Variants in PDZRN4 observed in about 807,000 individuals in gnomAD.
The protein encoded by PDZRN4 is PDZ domain containing ring finger 4.
Under a neutral mutation model 99.0 loss-of-function variants are expected in PDZRN4, and 70 were observed. That is an observed-to-expected ratio of 0.71 (90% CI 0.58 to 0.86). The LOEUF (loss-of-function observed/expected upper bound fraction) is 0.86, where lower values mean the gene tolerates loss of function less well. Ranked by LOEUF, PDZRN4 falls within the 40% of genes least tolerant of loss-of-function variation. The pLI is 0.00. For missense variants in PDZRN4, 1,474 were observed against 1,331.2 expected, an observed-to-expected ratio of 1.11 and a Z score of -1.67; for synonymous variants, 551 against 501.6, an observed-to-expected ratio of 1.10 and a Z score of -1.32.
At chr12:41,546,750 A>C (rs1290858554) in intron 5 of PDZRN4, among the ~76,000 whole-genome samples, 1 of 152,244 alleles carries the variant, frequency 6.6e-6, no homozygotes, top group Non-Finnish European at 1.5e-5. Flanking sequence ...GGGAAGGGTC[A>C]ACAGGTTCGA....
chr12:41,472,392 A>C (rs1953002285), intron 3 of PDZRN4, among the ~76,000 whole-genome samples: 1 of 152,240 alleles, frequency 6.6e-6, no homozygotes, highest in Non-Finnish European at 1.5e-5. Context: ...AAACAACTAG[A>C]TACCCTTTTA....
intron 3 of PDZRN4, among the ~76,000 whole-genome samples, chr12:41,327,034 A>G (rs1951713728): frequency 6.6e-6 from 1 of 152,096 alleles, no homozygotes; most frequent in South Asian, 2.1e-4. Context: ...GTCATTGACA[A>G]TCTCTATTTC....
At position 41,212,482 on chromosome 12, in the gene PDZRN4, T is replaced by C. The variant is rs775906956; in HGVS notation, c.843+18294T>C. On this transcript the variant is annotated intron_variant, in intron 3 of 9. Transcript: ENST00000402685. Reference sequence around the variant, plus strand: ...TTTCATGTGTTTTATATAAGAATACTTGTCTGGAATTAAATTGATAACTTC... The same window carrying C: ...TTTCATGTGTTTTATATAAGAATACCTGTCTGGAATTAAATTGATAACTTC... Among the ~76,000 whole-genome samples, 79 of 152,016 alleles carry C rather than the reference T, an allele frequency of 5.2e-4. 1 individual carries two copies. The highest frequency in any genetic ancestry group is 1.0e-3 in the Non-Finnish European group (69 of 67,956).
At chr12:41,276,426 T>C (rs1951350209) in intron 3 of PDZRN4, among the ~76,000 whole-genome samples, 1 of 152,134 alleles carries the variant, frequency 6.6e-6, no homozygotes. Context: ...TAGATTCAGA[T>C]AGACCTGGGG....
At chr12:41,273,642 T>G (rs1951330877) in intron 3 of PDZRN4, among the ~76,000 whole-genome samples, 1 of 152,054 alleles carries the variant, frequency 6.6e-6, no homozygotes, top group South Asian at 2.1e-4. Flanking sequence ...AGTGTTTCAT[T>G]AAAGAAAAAG....
At chr12:41,323,794 T>C (rs569806859) in intron 3 of PDZRN4, among the ~76,000 whole-genome samples, 1 of 152,124 alleles carries the variant, frequency 6.6e-6, no homozygotes, top group South Asian at 2.1e-4. Context: ...ATTAGTTTTA[T>C]TTTATTAATA....
intron 3 of PDZRN4, among the ~76,000 whole-genome samples, chr12:41,376,569 A>C (rs1952082491): frequency 6.6e-6 from 1 of 152,154 alleles, no homozygotes; most frequent in Admixed American, 6.5e-5. Flanking sequence ...TGTTTCTTTA[A>C]TTGGATTATT....
Position 41,203,060 on chromosome 12 carries a change from G to T in PDZRN4, c.843+8872G>T, listed in dbSNP as rs146045985. ...AGTTATAGAAAAGGTAGTTTTCACA[G>T]TGAAATTTGCTACAAACATGATTCA... On this transcript the variant is annotated intron_variant, in intron 3 of 9. Transcript: ENST00000402685. Among the ~76,000 whole-genome samples, 784 of 151,950 alleles carry T rather than the reference G, an allele frequency of 5.2e-3. 2 individuals are homozygous for T. Among genetic ancestry groups the T allele is most frequent in the Non-Finnish European group, 8.7e-3 (589 of 67,926 alleles).
chr12:41,339,804 A>T (rs958721320), intron 3 of PDZRN4, among the ~76,000 whole-genome samples: 4 of 152,106 alleles, frequency 2.6e-5, no homozygotes, highest in African/African-American at 9.7e-5. Flanking sequence ...TACAAATGGC[A>T]ATCATGTATA....
At chr12:41,332,014 G>A (rs1221872669) in intron 3 of PDZRN4, among the ~76,000 whole-genome samples, 1 of 152,142 alleles carries the variant, frequency 6.6e-6, no homozygotes, top group Non-Finnish European at 1.5e-5. Context: ...TAGGAAACGA[G>A]AGAGGATAAT....
chr12:41,472,241 G>A (rs1953000495), intron 3 of PDZRN4, among the ~76,000 whole-genome samples: 1 of 152,108 alleles, frequency 6.6e-6, no homozygotes, highest in African/African-American at 2.4e-5. Flanking sequence ...GACCTCAGGT[G>A]ATCCACCCAC....
At chr12:41,518,102 T>G (rs1938434420) in intron 5 of PDZRN4, among the ~76,000 whole-genome samples, 2 of 152,078 alleles carry the variant, frequency 1.3e-5, no homozygotes. Context: ...AATGAATGAG[T>G]GGAATCCTAA....
chr12:41,291,113 T>C (rs1164355872), intron 3 of PDZRN4, among the ~76,000 whole-genome samples: 1 of 152,166 alleles, frequency 6.6e-6, no homozygotes. Context: ...GTCTGAATTA[T>C]GTTATCCATT....
chr12:41,259,853 A>G (rs1951226189), intron 3 of PDZRN4, among the ~76,000 whole-genome samples: 1 of 152,108 alleles, frequency 6.6e-6, no homozygotes, highest in South Asian at 2.1e-4. Flanking sequence ...AGGATTATAA[A>G]TTCTATTTAT....
chr12:41,298,523 T>C (rs915652415), intron 3 of PDZRN4, among the ~76,000 whole-genome samples: 2 of 152,206 alleles, frequency 1.3e-5, no homozygotes, highest in Non-Finnish European at 2.9e-5. Context: ...ATTTGTTTTA[T>C]GAATTTTTAA....
At chr12:41,392,424 TATTTCATTTAAAA>T (rs1192886479) in intron 3 of PDZRN4, among the ~76,000 whole-genome samples, 1 of 152,202 alleles carries the variant, frequency 6.6e-6, no homozygotes, top group Non-Finnish European at 1.5e-5. Flanking sequence ...TCTGTTTCAA[TATTTCATTTAAAA>T]GTCTGGCTGT....
rs556524148 is a variant in PDZRN4 at position 41,255,953 on chromosome 12, A to T, written c.843+61765A>T. ...TGAGAAATTCACTCCCATGACCCAA[A>T]CACCTCCCACCAAGCCCAATTTCCA... On this transcript the variant is annotated intron_variant, in intron 3 of 9. Transcript: ENST00000402685. Among the ~76,000 whole-genome samples, 211 of 152,272 alleles carry T rather than the reference A, an allele frequency of 1.4e-3. 2 individuals are homozygous for T. Among genetic ancestry groups the T allele is most frequent in the African/African-American group, 4.3e-3 (178 of 41,552 alleles).
At chr12:41,207,550 T>G (rs562142605) in intron 3 of PDZRN4, among the ~76,000 whole-genome samples, 2 of 151,812 alleles carry the variant, frequency 1.3e-5, no homozygotes, top group Non-Finnish European at 2.9e-5. Context: ...AAATATCTAA[T>G]ACAGGAAGTA....
chr12:41,261,050 A>G (rs1264650814), intron 3 of PDZRN4, among the ~76,000 whole-genome samples: 2 of 152,182 alleles, frequency 1.3e-5, no homozygotes, highest in Admixed American at 6.5e-5. Flanking sequence ...AAGATGCACT[A>G]TATTTATTAT....
Sources: gnomAD v4.1 joint callset for allele counts (sites outside exome capture counted in the v4.1 genomes callset) on GRCh38, gnomAD v4.1.1 for gene constraint, MANE v1.5 for transcripts, NCBI Gene and HGNC (gene_info 2026-07-23, HGNC 2026-07-21) for gene names.